PIEZO1: variants seen among roughly 807,000 people sequenced by gnomAD.
PIEZO1 encodes the protein piezo type mechanosensitive ion channel component 1 (Er blood group).
In PIEZO1, 296 loss-of-function variants were observed where a neutral mutation model predicts 297.2. The ratio of observed to expected loss-of-function variants is 1.00; its 90% confidence interval spans 0.91 to 1.10. The LOEUF (loss-of-function observed/expected upper bound fraction) is 1.10. Ranked by LOEUF, PIEZO1 falls within the 50% of genes least tolerant of loss-of-function variation. The pLI, the probability that PIEZO1 is intolerant of heterozygous loss-of-function variation, is 0.00. For synonymous variants in PIEZO1, 2,427 were observed against 1,507.5 expected (o/e 1.61, Z -14.13); for missense variants, 5,018 against 3,455.5 (o/e 1.45, Z -11.34).
chr16:88,721,664 C>T lies in PIEZO1; in HGVS notation c.5277G>A (p.Val1759=). 1 of 1,550,056 alleles carries T rather than the reference C, an allele frequency of 6.5e-7. No homozygotes were observed. The highest frequency in any genetic ancestry group is 8.7e-7 in the Non-Finnish European group (1 of 1,146,850). ...AGGGCTTGTTCTCGTAGCGCCGCAG[C>T]ACCACGTGGCTGTTCCAGGGGAAGA... The part of the protein sequence containing the change: ...FGFFPWNSHV[V]LRRYENKPYF... The change falls in exon 38 of 51, where the codon GTG becomes GTA. Residue 1759 remains valine, a synonymous_variant. Transcript: ENST00000301015.
At chr16:88,726,250 G>C (rs896662340) in intron 27 of PIEZO1, 34 bp downstream of exon 27, 13 of 1,513,888 alleles carry the variant, frequency 8.6e-6, no homozygotes, top group Non-Finnish European at 1.1e-5. Context: ...GCCCCAAGAC[G>C]GGAGCTCTGG....
intron 1 of PIEZO1, among the ~76,000 whole-genome samples, chr16:88,763,922 T>C (rs1373135242): frequency 6.6e-6 from 1 of 152,166 alleles, no homozygotes; most frequent in Admixed American, 6.5e-5. Flanking sequence ...CAGGCACACC[T>C]GTACACCTGC....
At position 88,723,149 on chromosome 16, in the gene PIEZO1, C is replaced by T; in HGVS notation, c.4441G>A (p.Gly1481Ser). ...GGCTCCACCTCCTGGCTGGGACCAC[C>T]TCCTGGGCACAGGATGCTGGTGAGT... is the stretch of plus-strand genomic sequence containing the variant. ...QEQAGQLPTG[G>S]GPSQEVEPAE... The change falls in exon 33 of 51, where the codon GGT becomes AGT. Residue 1481 changes from glycine to serine, a missense_variant and splice_region_variant. Physicochemically the swap from Gly to Ser is moderately conservative, Grantham distance 56 (BLOSUM62 0). Coordinates refer to ENST00000301015, the MANE Select transcript of PIEZO1 (RefSeq NM_001142864.4). The T allele has an allele frequency of 6.5e-7, 1 of 1,549,284 alleles. No homozygotes were observed. The highest frequency in any genetic ancestry group is 1.7e-4 in the Middle Eastern group (1 of 5,988).
chr16:88,723,087 CCA>C lies in PIEZO1; in HGVS notation c.4495+6_4495+7del, dbSNP rs1417624103. The C allele has an allele frequency of 6.5e-7, 1 of 1,547,498 alleles. No homozygotes were observed. The highest frequency in any genetic ancestry group is 2.4e-5 in the East Asian group (1 of 40,914). On this transcript the variant is annotated splice_donor_region_variant and intron_variant, in intron 33 of 50. Coordinates refer to ENST00000301015, the MANE Select transcript of PIEZO1 (RefSeq NM_001142864.4). ...GACCTCCCACTCCCCAGCCCCGGGCCCACGTACCTGCCGCTGCCTCCTCGGGG... is the reference window on the plus strand; with the variant it reads ...GACCTCCCACTCCCCAGCCCCGGGCCCGTACCTGCCGCTGCCTCCTCGGGG...
intron 1 of PIEZO1, among the ~76,000 whole-genome samples, chr16:88,773,075 C>T (rs1293007495): frequency 1.3e-5 from 2 of 152,238 alleles, no homozygotes; most frequent in East Asian, 1.9e-4. Context: ...AGCTCGAGCT[C>T]GCTGTGCTCT....
intron 5 of PIEZO1, chr16:88,740,423 GCCC>G (rs1016613213): frequency 1.3e-5 from 2 of 152,332 alleles, no homozygotes; most frequent in Non-Finnish European, 2.9e-5. Context: ...CATGCCCCAT[GCCC>G]CCATCAGCAT....
intron 5 of PIEZO1, chr16:88,740,988 A>C (rs1484430573): frequency 6.5e-6 from 1 of 153,408 alleles, no homozygotes; most frequent in Non-Finnish European, 1.5e-5. Context: ...GTAGCAGCTA[A>C]AGTTCACTCT....
At chr16:88,733,772 G>A (rs550646219) in intron 17 of PIEZO1, 27 bp from the exon 18 acceptor site, 8 of 1,500,922 alleles carry the variant, frequency 5.3e-6, no homozygotes, top group Non-Finnish European at 7.1e-6. Flanking sequence ...GTCAGTGCGG[G>A]GCACAAACGG....
In PIEZO1 at chr16:88,734,864, C is replaced by T; in HGVS notation, c.1848+11G>A. 3 of 1,550,262 alleles carry T rather than the reference C, an allele frequency of 1.9e-6. No individual in the cohort carries two copies. The highest frequency in any genetic ancestry group is 2.6e-6 in the Non-Finnish European group (3 of 1,146,910). Reference sequence around the variant, plus strand: ...TCCGTGCCCCAGCCCCCATCCCGGCCCCCCAGCCACCTGGAAGAGGGTGAG... The same window carrying T: ...TCCGTGCCCCAGCCCCCATCCCGGCTCCCCAGCCACCTGGAAGAGGGTGAG... On this transcript the variant is annotated intron_variant, in intron 14 of 50. Transcript: ENST00000301015.
chr16:88,731,884 C>T lies in PIEZO1; in HGVS notation c.3018G>A (p.Val1006=), dbSNP rs1356728414. Residue 1006 remains valine, a synonymous_variant, in exon 22 of 51, where the codon GTG becomes GTA. Coordinates refer to ENST00000301015, the MANE Select transcript of PIEZO1 (RefSeq NM_001142864.4). ...LEICFLMAVN[V]IGQRMNFLVT... is the part of the protein sequence containing the mutation. ...CCAGAAAGTTCATGCGCTGCCCGAT[C>T]ACGTTCACGGCCATCAGGAAGCAGA... 19 of 730,310 alleles carry T rather than the reference C, an allele frequency of 2.6e-5. No homozygotes were observed. Among genetic ancestry groups the T allele is most frequent in the Non-Finnish European group, 3.0e-5 (18 of 608,294 alleles). The allele number at this position is 730,310 out of a possible 1,614,324, so 45.2% of individuals were successfully genotyped here. A position where few individuals can be genotyped will look rare whatever the true frequency, so the allele number is the denominator to read the frequency against.
At chr16:88,764,853 C>T (rs1290887552) in intron 1 of PIEZO1, among the ~76,000 whole-genome samples, 2 of 152,178 alleles carry the variant, frequency 1.3e-5, no homozygotes, top group Admixed American at 6.5e-5. Context: ...ACTCCGCCCT[C>T]GGCACCAGGG....
intron 10 of PIEZO1, chr16:88,737,142 A>G: frequency 4.1e-6 from 1 of 245,034 alleles, no homozygotes; most frequent in Non-Finnish European, 7.9e-6. Context: ...GGCCCTCCCA[A>G]GGCGACGTGG....
chr16:88,749,021 A>G (rs561676316), intron 2 of PIEZO1, among the ~76,000 whole-genome samples: 20 of 149,782 alleles, frequency 1.3e-4, no homozygotes, highest in East Asian at 4.0e-4. Context: ...GCGGATCACA[A>G]GGTCAGGAGA....
intron 44 of PIEZO1, 46 bp downstream of exon 44, chr16:88,719,528 G>T (rs1194321814): frequency 6.6e-6 from 10 of 1,510,488 alleles, no homozygotes; most frequent in Non-Finnish European, 9.0e-6. Context: ...TAGGGAGAGG[G>T]CATATCCCTG....
rs1010827909 is a variant in PIEZO1, at chr16:88,735,978, GCTCA to G, written c.1557+166_1557+169del. ...TTGTCTGTTTATTCAGTCAACAAAC[GCTCA>G]CTGAGAAGCTACTCTGGGCTGGCTC... On this transcript the variant is annotated intron_variant, in intron 12 of 50. Coordinates refer to ENST00000301015, the MANE Select transcript of PIEZO1 (RefSeq NM_001142864.4). Among the ~76,000 whole-genome samples, 25 of 152,360 alleles carry G rather than the reference GCTCA, an allele frequency of 1.6e-4. No homozygotes were observed. The South Asian group carries it at 2.7e-3, about 16-fold the overall frequency.
chr16:88,721,511 G>C (rs897075344), intron 38 of PIEZO1, 27 bp downstream of exon 38: 1 of 1,541,538 alleles, frequency 6.5e-7, no homozygotes, highest in Non-Finnish European at 8.8e-7. Flanking sequence ...GCCCAGCCCC[G>C]CATTGCCAGC....
intron 10 of PIEZO1, 45 bp from the exon 11 acceptor site, chr16:88,736,784 G>A (rs1905249231): frequency 4.0e-6 from 5 of 1,260,628 alleles, no homozygotes; most frequent in Non-Finnish European, 5.5e-6. Flanking sequence ...TGATCTGCAG[G>A]CCTCCCCACC....
intron 1 of PIEZO1, among the ~76,000 whole-genome samples, chr16:88,774,884 G>A (rs1178478498): frequency 6.6e-6 from 1 of 152,184 alleles, no homozygotes; most frequent in Non-Finnish European, 1.5e-5. Flanking sequence ...ATTCAGAGAT[G>A]GTAATACCAG....
rs1489325883 is a variant in PIEZO1, at chr16:88,728,587, G to A, written c.3197-926C>T. On this transcript the variant is annotated intron_variant, in intron 22 of 50. Coordinates refer to ENST00000301015, the MANE Select transcript of PIEZO1 (RefSeq NM_001142864.4). ...GTGACCCTCGATGTTGGGGAACCCA[G>A]GACATGCTGATCTCACAGCCCCATC... Among the ~76,000 whole-genome samples, 6 of 83,058 alleles carry A rather than the reference G, an allele frequency of 7.2e-5. 1 individual carries two copies. Among genetic ancestry groups the A allele is most frequent in the African/African-American group, 1.5e-4 (3 of 20,494 alleles). The allele number at this position is 83,058 out of a possible 152,430, so 54.5% of individuals were successfully genotyped here. A position where few individuals can be genotyped will look rare whatever the true frequency, so the allele number is the denominator to read the frequency against.
Sources: allele counts gnomAD v4.1 joint callset (sites outside exome capture counted in the v4.1 genomes callset), GRCh38; gene constraint gnomAD v4.1.1; transcripts MANE v1.5; gene names NCBI Gene and HGNC (gene_info 2026-07-23, HGNC 2026-07-21).